C20orf203: variants seen among roughly 807,000 people sequenced by gnomAD.
C20orf203 encodes chromosome 20 open reading frame 203, also known as uncharacterized protein C20orf203.
C20orf203 carries 16 observed loss-of-function variants against 15.9 expected under a neutral mutation model. The observed-to-expected ratio is 1.01, with a 90% CI of 0.68 to 1.53. The LOEUF (loss-of-function observed/expected upper bound fraction) is 1.53, where lower values mean the gene tolerates loss of function less well. Among genes scored for constraint, C20orf203 ranks in the 40% most tolerant of loss-of-function variants. The pLI is 0.00. For missense variants in C20orf203, 263 were observed against 247.5 expected (o/e 1.06, Z -0.42); for synonymous variants, 98 against 97.2 (o/e 1.01, Z -0.05).
chr20:32,663,993 A>G (rs1982959944), intron 1 of C20orf203, among the ~76,000 whole-genome samples: 1 of 152,152 alleles, frequency 6.6e-6, no homozygotes, highest in African/African-American at 2.4e-5. Flanking sequence ...GAGAGAAGCC[A>G]TTTTCTTTGT....
intron 1 of C20orf203, among the ~76,000 whole-genome samples, chr20:32,667,928 A>C (rs1052621428): frequency 6.6e-6 from 1 of 152,128 alleles, no homozygotes; most frequent in Non-Finnish European, 1.5e-5. Context: ...CTTGGCCTCC[A>C]AAAGTGCTGG....
intron 4 of C20orf203, among the ~76,000 whole-genome samples, chr20:32,643,069 T>C (rs930076625): frequency 3.9e-5 from 6 of 152,274 alleles, no homozygotes; most frequent in South Asian, 4.2e-4. Flanking sequence ...CAGACTCTCC[T>C]GAGACCAGCC....
chr20:32,663,777 T>C (rs1388392815), intron 1 of C20orf203, among the ~76,000 whole-genome samples: 1 of 152,218 alleles, frequency 6.6e-6, no homozygotes, highest in Non-Finnish European at 1.5e-5. Flanking sequence ...CCTCACCAGC[T>C]GGCCCAGCCA....
At chr20:32,643,429 A>G (rs551302681) in intron 4 of C20orf203, among the ~76,000 whole-genome samples, 88 of 152,304 alleles carry the variant, frequency 5.8e-4, no homozygotes, top group Non-Finnish European at 1.1e-3. Flanking sequence ...AACTTCTTTG[A>G]ACCCCAGATT....
intron 1 of C20orf203, among the ~76,000 whole-genome samples, chr20:32,671,405 T>C (rs1983161924): frequency 6.6e-6 from 1 of 152,190 alleles, no homozygotes; most frequent in South Asian, 2.1e-4. Context: ...TTGATGACTT[T>C]ATGCTAAATG....
intron 1 of C20orf203, among the ~76,000 whole-genome samples, chr20:32,669,054 G>A (rs1983101435): frequency 6.6e-6 from 1 of 152,184 alleles, no homozygotes; most frequent in Non-Finnish European, 1.5e-5. Context: ...CACAGCGGGA[G>A]GAAGCCTTAG....
rs1269225777 is a variant in C20orf203, at chr20:32,667,963, C to G, written c.-264+5669G>C. Reference sequence around the variant, plus strand: ...GGATTATAGGCATGAGCCACGGCGCCAGGCCTAGAAATCTTCTAGCCACTC... The same window carrying G: ...GGATTATAGGCATGAGCCACGGCGCGAGGCCTAGAAATCTTCTAGCCACTC... On this transcript the variant is annotated intron_variant, in intron 1 of 5. Coordinates refer to ENST00000608990, the MANE Select transcript of C20orf203 (RefSeq NM_182584.4). Among the ~76,000 whole-genome samples, 3 of 152,196 alleles carry G rather than the reference C, an allele frequency of 2.0e-5. No homozygotes were observed. The East Asian group carries it at 5.8e-4, about 29-fold the overall frequency.
intron 1 of C20orf203, among the ~76,000 whole-genome samples, chr20:32,662,002 A>G (rs1189886257): frequency 6.6e-6 from 1 of 152,232 alleles, no homozygotes; most frequent in Non-Finnish European, 1.5e-5. Context: ...GACTTGCCCA[A>G]GAGCACCACC....
chr20:32,639,170 CCA>C (rs1052740197), intron 5 of C20orf203, among the ~76,000 whole-genome samples: 2 of 152,230 alleles, frequency 1.3e-5, no homozygotes, highest in African/African-American at 4.8e-5. Context: ...CAGACACCAC[CCA>C]CAGTGTTCCA....
chr20:32,647,219 A>AC (rs1437427648), intron 4 of C20orf203, among the ~76,000 whole-genome samples: 7 of 151,890 alleles, frequency 4.6e-5, no homozygotes, highest in Admixed American at 3.3e-4. Flanking sequence ...ACATGGTGAA[A>AC]CCCCATCTCT....
intron 5 of C20orf203, among the ~76,000 whole-genome samples, chr20:32,636,012 T>C (rs760567159): frequency 6.6e-6 from 1 of 152,120 alleles, no homozygotes; most frequent in Non-Finnish European, 1.5e-5. Context: ...CTCTGCTTTC[T>C]CTCTCCATCT....
intron 5 of C20orf203, among the ~76,000 whole-genome samples, chr20:32,638,993 CAG>C (rs1176089493): frequency 2.5e-4 from 38 of 152,244 alleles, no homozygotes; most frequent in Non-Finnish European, 1.5e-5. Flanking sequence ...AACAGGGAAA[CAG>C]AGTTCAGGCA....
chr20:32,655,916 C>T lies in C20orf203; in HGVS notation c.-263-3935G>A, dbSNP rs543614571. ...GGCCTGCTGGGAGATGTTTGGGTCA[C>T]GGAGGTGACTCCCTCATGAATGGCT... On this transcript the variant is annotated intron_variant, in intron 1 of 5. Transcript: ENST00000608990. Among the ~76,000 whole-genome samples the T allele has an allele frequency of 2.6e-5, 4 of 152,364 alleles. No individual in the cohort carries two copies. The South Asian group carries it at 6.2e-4, about 24-fold the overall frequency.
Position 32,633,153 on chromosome 20 carries a change from T to C in C20orf203, c.*2417A>G, listed in dbSNP as rs73107853. On this transcript the variant is annotated 3_prime_UTR_variant, in exon 6 of 6. Transcript: ENST00000608990. ...GGTGAGATTTGGTGGGGACACAGAG[T>C]CAAACTATATCAGTGACTCACCATC... 0.22 allele frequency: 33,235 copies of C among 151,996 alleles called. 4,052 individuals carry two copies. Among genetic ancestry groups the C allele is most frequent in the Middle Eastern group, 0.3 (87 of 294 alleles). 9.4% of individuals were successfully genotyped at this position (151,996 alleles called of 1,614,324 possible).
Position 32,650,700 on chromosome 20 carries a change from T to C in C20orf203, c.317A>G (p.Glu106Gly), listed in dbSNP as rs1242938916. The C allele has an allele frequency of 1.6e-5, 24 of 1,547,512 alleles. No homozygotes were observed. In the East Asian group the frequency reaches 5.6e-4, roughly 36 times the overall value. The change falls in exon 4 of 6, where the codon GAA (glutamate) becomes GGA (glycine). Residue 106 changes from glutamate (E) to glycine (G), a missense_variant. By Grantham distance (98) the Glu-to-Gly change is moderately conservative. Coordinates refer to ENST00000608990, the MANE Select transcript of C20orf203 (RefSeq NM_182584.4). ...RIWVGGEGWG[E>G]VGGLRLSKVG... ...CTTGCTGAGCCTGAGGCCTCCAACTTCCCCCCACCCCTCCCCACCAACCCA... is the reference window on the plus strand; with the variant it reads ...CTTGCTGAGCCTGAGGCCTCCAACTCCCCCCCACCCCTCCCCACCAACCCA...
At chr20:32,670,608 C>A (rs1020159393) in intron 1 of C20orf203, among the ~76,000 whole-genome samples, 1 of 152,110 alleles carries the variant, frequency 6.6e-6, no homozygotes, top group South Asian at 2.1e-4. Context: ...CCGAGGTGGG[C>A]GGATCACGAG....
chr20:32,672,080 G>A (rs1045033859), intron 1 of C20orf203, among the ~76,000 whole-genome samples: 2 of 152,048 alleles, frequency 1.3e-5, no homozygotes, highest in Non-Finnish European at 2.9e-5. Flanking sequence ...ACTCCGGGAG[G>A]CCAAGGCAGG....
At chr20:32,670,247 G>A (rs1301078474) in intron 1 of C20orf203, among the ~76,000 whole-genome samples, 1 of 151,878 alleles carries the variant, frequency 6.6e-6, no homozygotes, top group Non-Finnish European at 1.5e-5. Flanking sequence ...GCTCACGCCT[G>A]TAATCCCAGC....
rs1982043200 is a variant in C20orf203 at position 32,633,053 on chromosome 20, G to T, written c.*2517C>A. On this transcript the variant is annotated 3_prime_UTR_variant, in exon 6 of 6. Transcript: ENST00000608990. ...TCACTCACTATCATGAGAACAGCAT[G>T]GGGGAAACTGCCACCATTATTCAAT... 1 of 152,236 alleles carries T rather than the reference G, an allele frequency of 6.6e-6. No individual in the cohort carries two copies. The highest frequency in any genetic ancestry group is 6.5e-5 in the Admixed American group (1 of 15,282). The allele number at this position is 152,236 out of a possible 1,614,324, so 9.4% of individuals were successfully genotyped here.
Sources: allele counts gnomAD v4.1 joint callset (sites outside exome capture counted in the v4.1 genomes callset), GRCh38; gene constraint gnomAD v4.1.1; transcripts MANE v1.5; gene names NCBI Gene and HGNC (gene_info 2026-07-23, HGNC 2026-07-21).